The following LRRC37A2 variants were observed in gnomAD, a reference collection of about 807,000 sequenced individuals.
The protein encoded by LRRC37A2 is leucine rich repeat containing 37 member A2.
In LRRC37A2, 9 loss-of-function variants were observed where a neutral mutation model predicts 68.8. That is an observed-to-expected ratio of 0.13 (90% CI 0.08 to 0.23). LRRC37A2 has a LOEUF of 0.23. LRRC37A2 is among the 10% of genes least tolerant of loss of function. LRRC37A2 has a pLI of 1.00. For synonymous variants in LRRC37A2, 63 were observed against 367.6 expected (o/e 0.17, Z 9.48); for missense variants, 168 against 950.4 (o/e 0.18, Z 10.82).
At chr17:47,025,183 CAT>C in the LRRC37A2 span, among the ~76,000 whole-genome samples, 1 of 152,060 alleles carries the variant, frequency 6.6e-6, no homozygotes, top group Non-Finnish European at 1.5e-5. Context: ...TGAGAGAGAT[CAT>C]ATGTGGCCCA....
chr17:46,802,998 G>T, the LRRC37A2 span, among the ~76,000 whole-genome samples: 7 of 152,334 alleles, frequency 4.6e-5, no homozygotes, highest in South Asian at 1.5e-3. Context: ...GCTTGGGATT[G>T]CTACTGGAAG....
the LRRC37A2 span, chr17:46,756,128 C>T: frequency 3.2e-5 from 9 of 284,178 alleles, no homozygotes; most frequent in African/African-American, 1.7e-4. Context: ...GGACACTACA[C>T]GTTTCAACCT....
At chr17:47,024,451 A>C in the LRRC37A2 span, among the ~76,000 whole-genome samples, 12 of 152,022 alleles carry the variant, frequency 7.9e-5, no homozygotes, top group Admixed American at 7.2e-4. Context: ...ATTTGGTGGG[A>C]AGAGTGGGTA....
the LRRC37A2 span, among the ~76,000 whole-genome samples, chr17:46,970,684 G>T: frequency 3.9e-5 from 6 of 152,170 alleles, no homozygotes; most frequent in African/African-American, 1.4e-4. Context: ...CTCCACTCAC[G>T]TGGACGGGGG....
At chr17:47,029,527 G>A in the LRRC37A2 span, among the ~76,000 whole-genome samples, 9 of 152,094 alleles carry the variant, frequency 5.9e-5, no homozygotes, top group South Asian at 4.1e-4. Context: ...AGTTCACTTC[G>A]AGATAGAGGG....
At chr17:46,843,572 C>T in the LRRC37A2 span, among the ~76,000 whole-genome samples, 1 of 152,216 alleles carries the variant, frequency 6.6e-6, no homozygotes, top group Non-Finnish European at 1.5e-5. Flanking sequence ...GTACTTTCTT[C>T]TCTTTACTGC....
chr17:46,848,869 G>A, the LRRC37A2 span, among the ~76,000 whole-genome samples: 2 of 152,276 alleles, frequency 1.3e-5, no homozygotes, highest in Middle Eastern at 3.4e-3. Flanking sequence ...GATTGTCCCA[G>A]CCTCCCAGAG....
chr17:46,972,090 T>G, the LRRC37A2 span, among the ~76,000 whole-genome samples: 1 of 12,642 alleles, frequency 7.9e-5, no homozygotes, highest in Non-Finnish European at 6.2e-3. Context: ...CTTCCCCGCT[T>G]TATGTTCTAT....
the LRRC37A2 span, chr17:46,936,094 C>A: frequency 1.0e-6 from 1 of 985,876 alleles, no homozygotes; most frequent in Non-Finnish European, 1.2e-6. Context: ...GTGACACTCA[C>A]CTCCTGCTGA....
At chr17:46,978,244 G>T in the LRRC37A2 span, 1 of 229,008 alleles carries the variant, frequency 4.4e-6, no homozygotes. Flanking sequence ...CAGCGACTCT[G>T]ACGCTTCACA....
At chr17:46,711,020 T>C in the LRRC37A2 span, 1 of 1,593,814 alleles carries the variant, frequency 6.3e-7, no homozygotes, top group Non-Finnish European at 8.5e-7. Flanking sequence ...TATCATCAAA[T>C]GGGGTGACCC....
exon 10 of LRRC37A2, chr17:46,549,349 G>A: frequency 6.3e-7 from 1 of 1,595,080 alleles, no homozygotes; most frequent in Non-Finnish European, 8.5e-7. Context: ...TGATTTTATG[G>A]AAAACACTAA....
chr17:46,909,145 G>A, the LRRC37A2 span, among the ~76,000 whole-genome samples: 7 of 152,034 alleles, frequency 4.6e-5, no homozygotes, highest in Admixed American at 1.3e-4. Flanking sequence ...TCCAACTCCC[G>A]GGCTCCCAAG....
the LRRC37A2 span, chr17:46,966,749 A>G: frequency 6.2e-6 from 3 of 480,854 alleles, no homozygotes; most frequent in Non-Finnish European, 1.1e-5. Context: ...GCCTTGTTTC[A>G]TTAAGTGGAG....
At chr17:46,935,235 CTG>C in the LRRC37A2 span, 5 of 1,611,574 alleles carry the variant, frequency 3.1e-6, no homozygotes, top group Admixed American at 1.7e-5. Flanking sequence ...AGTTTAGTAA[CTG>C]TGTTTATATT....
the LRRC37A2 span, among the ~76,000 whole-genome samples, chr17:46,842,027 C>G: frequency 6.6e-6 from 1 of 152,132 alleles, no homozygotes; most frequent in African/African-American, 2.4e-5. Flanking sequence ...GTGGCGCCCT[C>G]GGCGGGGCCT....
the LRRC37A2 span, among the ~76,000 whole-genome samples, chr17:46,976,253 C>T: frequency 1.4e-5 from 2 of 147,534 alleles, no homozygotes. Context: ...AGAAATTTGG[C>T]TGGGCGCAGT....
At chr17:47,017,797 A>T in the LRRC37A2 span, 2 of 1,610,136 alleles carry the variant, frequency 1.2e-6, no homozygotes, top group Non-Finnish European at 1.7e-6. Context: ...CTCCGGGTGA[A>T]GTCAGATGAG....
the LRRC37A2 span, chr17:46,851,575 G>A: frequency 1.1e-6 from 1 of 924,102 alleles, no homozygotes; most frequent in Non-Finnish European, 1.4e-6. The surrounding 1 kb of genome is among the most constrained non-coding windows in gnomAD (Gnocchi z 4.3). Context: ...GCGGGCGGGT[G>A]GTGGCGGAGC....
Sources: allele counts gnomAD v4.1 joint callset (sites outside exome capture counted in the v4.1 genomes callset), GRCh38; gene constraint gnomAD v4.1.1; non-coding constraint Gnocchi (gnomAD v3.1); transcripts MANE v1.5; gene names NCBI Gene and HGNC (gene_info 2026-07-23, HGNC 2026-07-21).